LRFN5: variants seen among roughly 807,000 people sequenced by gnomAD.
LRFN5 encodes the protein leucine rich repeat and fibronectin type III domain containing 5, also known as leucine-rich repeat and fibronectin type-III domain-containing protein 5.
LRFN5 carries 24 observed loss-of-function variants against 45.6 expected under a neutral mutation model. That is an observed-to-expected ratio of 0.53 (90% CI 0.38 to 0.74). The LOEUF is 0.74. LRFN5 is among the 30% of genes least tolerant of loss of function. The probability of loss-of-function intolerance (pLI) is 0.00; values close to 1 mark genes in which losing one functional copy is unlikely to be tolerated. For missense variants in LRFN5, 776 were observed against 861.5 expected, an observed-to-expected ratio of 0.90 and a Z score of 1.24; for synonymous variants, 340 against 313.8, an observed-to-expected ratio of 1.08 and a Z score of -0.88.
In LRFN5 at chr14:41,891,960, C is replaced by T; in HGVS notation, c.2096C>T (p.Pro699Leu). 2.5e-6 allele frequency: 4 copies of T among 1,610,774 alleles called. No individual in the cohort carries two copies. Among genetic ancestry groups the T allele is most frequent in the Non-Finnish European group, 3.4e-6 (4 of 1,179,258 alleles). The change falls in exon 4 of 6, where the codon CCA becomes CTA. Residue 699 changes from proline to leucine, a missense_variant and splice_region_variant. Pro to Leu is a moderately conservative substitution (Grantham distance 98, BLOSUM62 -3). This residue lies in a region of LRFN5 where 465 missense variants were observed against 456.4 expected (regional missense o/e 1.02). Coordinates refer to ENST00000298119, the MANE Select transcript of LRFN5 (RefSeq NM_152447.5). ...ACGTCTAAAAGAGCACATATAAAGC[C>T]AAGTAAGTTTATCACTTTGCCTGCT... is the stretch of plus-strand genomic sequence containing the variant. ...GPTSKRAHIK[P>L]NALLTNVDQI...
At chr14:41,804,143 G>T (rs1318316070) in intron 2 of LRFN5, among the ~76,000 whole-genome samples, 2 of 152,122 alleles carry the variant, frequency 1.3e-5, no homozygotes, top group South Asian at 4.1e-4. Context: ...TTGCAGTCGT[G>T]AGCCACCGTG....
chr14:41,800,061 G>A (rs551605093), intron 2 of LRFN5, among the ~76,000 whole-genome samples: 33 of 152,074 alleles, frequency 2.2e-4, no homozygotes, highest in African/African-American at 6.0e-4. Context: ...AATAACTCAC[G>A]TGTTATATCA....
In LRFN5 at chr14:41,610,670, A is replaced by T. The variant is rs1245243920; in HGVS notation, c.-197+2108A>T. On this transcript the variant is annotated intron_variant, in intron 1 of 5. Coordinates refer to ENST00000298119, the MANE Select transcript of LRFN5 (RefSeq NM_152447.5). ...GAGGTCCCAGGGAAGGTAAAAAAAA[A>T]AAAAAAAAAAAAAGTGTATTGCCTG... Among the ~76,000 whole-genome samples the T allele has an allele frequency of 5.2e-4, 77 of 147,412 alleles. 5 individuals carry two copies. The highest frequency in any genetic ancestry group is 1.4e-3 in the African/African-American group (57 of 40,650).
chr14:41,618,857 T>C (rs769581330), intron 1 of LRFN5, among the ~76,000 whole-genome samples: 3 of 152,182 alleles, frequency 2.0e-5, no homozygotes, highest in Non-Finnish European at 4.4e-5. Flanking sequence ...TGGATTCATA[T>C]ATTTTTGAGG....
At chr14:41,836,819 C>G (rs568987249) in intron 2 of LRFN5, among the ~76,000 whole-genome samples, 4 of 130,882 alleles carry the variant, frequency 3.1e-5, no homozygotes, top group Admixed American at 3.0e-4. Context: ...CATTGGTAGC[C>G]TCCTTGTTGG....
intron 2 of LRFN5, among the ~76,000 whole-genome samples, chr14:41,848,624 C>G (rs1268637754): frequency 3.3e-5 from 5 of 151,978 alleles, no homozygotes; most frequent in African/African-American, 1.2e-4. Flanking sequence ...ACAAGAAACA[C>G]TATGAATTGG....
intron 1 of LRFN5, among the ~76,000 whole-genome samples, chr14:41,647,093 C>T (rs989451447): frequency 2.0e-5 from 3 of 152,130 alleles, no homozygotes; most frequent in African/African-American, 7.2e-5. Context: ...ACATTAGCCC[C>T]AAGTCTTATC....
chr14:41,810,708 TG>T (rs1887706653), intron 2 of LRFN5, among the ~76,000 whole-genome samples: 1 of 152,080 alleles, frequency 6.6e-6, no homozygotes, highest in Non-Finnish European at 1.5e-5. Flanking sequence ...AGTTGTATTA[TG>T]AAGAAAGTAA....
In LRFN5 at chr14:41,904,412, T is replaced by C; in HGVS notation, c.*237T>C. On this transcript the variant is annotated 3_prime_UTR_variant, in exon 6 of 6. Transcript: ENST00000298119. ...TCTTCTGGCCTACAAGTATTTTTTT[T>C]TTAAAAAAGAAAAAAAGCCTACATT... 1 of 446,748 alleles carries C rather than the reference T, an allele frequency of 2.2e-6. No homozygotes were observed. Among genetic ancestry groups the C allele is most frequent in the Non-Finnish European group, 3.9e-6 (1 of 254,598 alleles). The allele number at this position is 446,748 out of a possible 1,614,324, so 27.7% of individuals were successfully genotyped here.
chr14:41,613,359 T>C (rs1026888454), intron 1 of LRFN5, among the ~76,000 whole-genome samples: 23 of 152,074 alleles, frequency 1.5e-4, no homozygotes, highest in Admixed American at 1.5e-3. Flanking sequence ...GTTGAACTAA[T>C]GTACATTCCA....
chr14:41,765,137 C>T (rs1276698775), intron 1 of LRFN5, among the ~76,000 whole-genome samples: 2 of 151,736 alleles, frequency 1.3e-5, no homozygotes, highest in Non-Finnish European at 2.9e-5. Context: ...GTCAGGAGAT[C>T]GAGACCATCC....
intron 2 of LRFN5, among the ~76,000 whole-genome samples, chr14:41,800,872 A>C (rs536881793): frequency 3.3e-5 from 5 of 152,120 alleles, no homozygotes; most frequent in Admixed American, 1.3e-4. Context: ...TTTAAAAAAT[A>C]CTAGCTCTAG....
At chr14:41,877,769 T>G (rs1269350846) in intron 2 of LRFN5, among the ~76,000 whole-genome samples, 1 of 152,116 alleles carries the variant, frequency 6.6e-6, no homozygotes, top group African/African-American at 2.4e-5. Flanking sequence ...CCATCTATTT[T>G]GTTTATATAC....
At chr14:41,873,150 G>A (rs1890074525) in intron 2 of LRFN5, among the ~76,000 whole-genome samples, 1 of 152,088 alleles carries the variant, frequency 6.6e-6, no homozygotes, top group Middle Eastern at 3.4e-3. Flanking sequence ...ATCTGTCCTG[G>A]GCCAAGAATT....
chr14:41,808,197 G>GGGATGGAAGGAA (rs1887587443), intron 2 of LRFN5, among the ~76,000 whole-genome samples: 1 of 101,074 alleles, frequency 9.9e-6, no homozygotes. Context: ...AGGAAGTAGA[G>GGGATGGAAGGAA]GGAAGGAAGG....
At chr14:41,702,576 C>T (rs1452171401) in intron 1 of LRFN5, among the ~76,000 whole-genome samples, 1 of 152,042 alleles carries the variant, frequency 6.6e-6, no homozygotes, top group African/African-American at 2.4e-5. Context: ...GATTCTCCTG[C>T]CTCAACCTCC....
intron 2 of LRFN5, among the ~76,000 whole-genome samples, chr14:41,798,511 C>T (rs1887211776): frequency 6.6e-6 from 1 of 151,982 alleles, no homozygotes; most frequent in South Asian, 2.1e-4. Context: ...AATTCCTGCT[C>T]TTACGTAGTT....
At chr14:41,760,948 C>T (rs1203181168) in intron 1 of LRFN5, among the ~76,000 whole-genome samples, 4 of 152,076 alleles carry the variant, frequency 2.6e-5, no homozygotes, top group African/African-American at 9.7e-5. Flanking sequence ...GCCCCAATGT[C>T]CATTTGGACT....
intron 1 of LRFN5, chr14:41,699,555 A>G (rs1175339613): frequency 6.6e-6 from 1 of 152,138 alleles, no homozygotes; most frequent in African/African-American, 2.4e-5. Flanking sequence ...AAAGATTAAT[A>G]GAACTTACGA....
Sources: gnomAD v4.1 joint callset for allele counts (sites outside exome capture counted in the v4.1 genomes callset) on GRCh38, gnomAD v4.1.1 for gene constraint, gnomAD v4.1.1 regional missense constraint, MANE v1.5 for transcripts, NCBI Gene and HGNC (gene_info 2026-07-23, HGNC 2026-07-21) for gene names.